SYT16: variants seen among roughly 807,000 people sequenced by gnomAD.
The protein encoded by SYT16 is synaptotagmin 16, also known as synaptotagmin-16.
In SYT16, 42 loss-of-function variants were observed where a neutral mutation model predicts 61.4. That is an observed-to-expected ratio of 0.68 (90% CI 0.53 to 0.89). SYT16 has a LOEUF of 0.89. SYT16 is among the 40% of genes least tolerant of loss of function. The pLI, the probability that SYT16 is intolerant of heterozygous loss-of-function variation, is 0.00. For missense variants in SYT16, 804 were observed against 807.3 expected (o/e 1.00, Z 0.05); for synonymous variants, 314 against 302.3 (o/e 1.04, Z -0.40).
At chr14:62,036,865 T>C (rs1234369782) in intron 3 of SYT16, among the ~76,000 whole-genome samples, 3 of 152,074 alleles carry the variant, frequency 2.0e-5, no homozygotes, top group Non-Finnish European at 4.4e-5. Flanking sequence ...GCACACCATA[T>C]ACTGAGCAAG....
At chr14:62,053,865 T>G (rs1318703111) in intron 3 of SYT16, among the ~76,000 whole-genome samples, 1 of 152,208 alleles carries the variant, frequency 6.6e-6, no homozygotes, top group Non-Finnish European at 1.5e-5. Context: ...TGTTTTTAGG[T>G]GGTTGAATGC....
chr14:61,885,799 TAAG>T (rs2047876292), intron 1 of SYT16, among the ~76,000 whole-genome samples: 1 of 152,262 alleles, frequency 6.6e-6, no homozygotes, highest in Non-Finnish European at 1.5e-5. Context: ...AGTGATGCCT[TAAG>T]AAGTACATAC....
chr14:61,999,982 G>A (rs1011449735), intron 3 of SYT16, among the ~76,000 whole-genome samples: 1 of 151,224 alleles, frequency 6.6e-6, no homozygotes, highest in East Asian at 1.9e-4. Context: ...TGAATTGTTG[G>A]ATATTTCATG....
At chr14:61,963,188 A>G (rs568758714) in intron 1 of SYT16, among the ~76,000 whole-genome samples, 5 of 152,144 alleles carry the variant, frequency 3.3e-5, no homozygotes, top group Admixed American at 1.3e-4. Flanking sequence ...ATGGCCTCTG[A>G]GTATTTAAGT....
At chr14:61,985,294 A>G (rs2052256148) in intron 2 of SYT16, among the ~76,000 whole-genome samples, 1 of 152,208 alleles carries the variant, frequency 6.6e-6, no homozygotes. Context: ...AACAGTTGTT[A>G]GCACTGATTT....
intron 3 of SYT16, among the ~76,000 whole-genome samples, chr14:62,022,256 T>A (rs2053938744): frequency 1.3e-5 from 2 of 152,168 alleles, no homozygotes; most frequent in African/African-American, 4.8e-5. Context: ...TCTTAGCATA[T>A]ATGTGTTTGA....
intron 1 of SYT16, chr14:61,864,750 T>C: frequency 1.0e-6 from 1 of 977,998 alleles, no homozygotes. Context: ...GCTACCTGGT[T>C]AATGACGCAT....
intron 1 of SYT16, among the ~76,000 whole-genome samples, chr14:61,879,580 C>T (rs1283195623): frequency 6.6e-6 from 1 of 152,154 alleles, no homozygotes; most frequent in Non-Finnish European, 1.5e-5. Context: ...TCTTCAACAT[C>T]TTCGTTTTAA....
At chr14:61,991,942 CTTTG>C (rs1435081375) in intron 2 of SYT16, among the ~76,000 whole-genome samples, 2 of 133,684 alleles carry the variant, frequency 1.5e-5, no homozygotes, top group East Asian at 2.0e-4. Context: ...TCACTAATAA[CTTTG>C]TTCGTTCATT....
At chr14:62,025,129 A>G (rs367840794) in intron 3 of SYT16, among the ~76,000 whole-genome samples, 44 of 152,082 alleles carry the variant, frequency 2.9e-4, no homozygotes, top group African/African-American at 8.9e-4. Context: ...CGTGTTTTCA[A>G]TTCTTTTGGA....
chr14:61,905,639 G>C (rs913146313), intron 1 of SYT16, among the ~76,000 whole-genome samples: 2 of 152,132 alleles, frequency 1.3e-5, no homozygotes, highest in African/African-American at 4.8e-5. Context: ...TCCACACCCC[G>C]GGTCTCTTTG....
intron 1 of SYT16, among the ~76,000 whole-genome samples, chr14:61,929,284 G>C (rs772637719): frequency 6.6e-6 from 1 of 152,286 alleles, no homozygotes; most frequent in East Asian, 1.9e-4. Flanking sequence ...TGTTGGAGTC[G>C]CTGGAGGTTT....
At chr14:61,818,383 A>G (rs1217341288) in intron 1 of SYT16, among the ~76,000 whole-genome samples, 2 of 152,188 alleles carry the variant, frequency 1.3e-5, no homozygotes, top group South Asian at 4.1e-4. Context: ...CAATTCTGCA[A>G]TAATAGATGA....
In SYT16 at chr14:62,103,383, G is replaced by A. The variant is rs953366219; in HGVS notation, c.*2676G>A. 1.3e-5 allele frequency: 2 copies of A among 152,180 alleles called. No individual in the cohort carries two copies. The highest frequency in any genetic ancestry group is 2.9e-5 in the Non-Finnish European group (2 of 68,026). The allele number at this position is 152,180 out of a possible 1,614,324, so 9.4% of individuals were successfully genotyped here. A position where few individuals can be genotyped will look rare whatever the true frequency, so the allele number is the denominator to read the frequency against. On this transcript the variant is annotated 3_prime_UTR_variant, in exon 8 of 8. Transcript: ENST00000683842. ...CATTGAAGCAGCACTGGTTTTTGTT[G>A]CTTGAGTAGGTCTTTCAGCGATTTT...
chr14:61,874,944 C>T (rs181586671), intron 1 of SYT16, among the ~76,000 whole-genome samples: 3 of 152,262 alleles, frequency 2.0e-5, no homozygotes, highest in Non-Finnish European at 4.4e-5. Flanking sequence ...AGAAAACACA[C>T]TGAATTTTTT....
intron 3 of SYT16, among the ~76,000 whole-genome samples, chr14:62,013,800 C>T (rs1477560926): frequency 2.6e-5 from 4 of 152,126 alleles, no homozygotes; most frequent in Middle Eastern, 3.4e-3. Context: ...CATGTCTCTA[C>T]AAAAAGCAAA....
At chr14:62,066,974 A>T (rs1281805048) in intron 3 of SYT16, among the ~76,000 whole-genome samples, 1 of 152,214 alleles carries the variant, frequency 6.6e-6, no homozygotes, top group Non-Finnish European at 1.5e-5. Context: ...AACCTGCTGT[A>T]AGAGGTCAGG....
At chr14:61,865,298 C>G in intron 1 of SYT16, 1 of 751,898 alleles carries the variant, frequency 1.3e-6, no homozygotes, top group Non-Finnish European at 2.4e-6. Flanking sequence ...ACACATCCCT[C>G]TGAACGCAGG....
At chr14:61,892,205 C>T (rs1226296304) in intron 1 of SYT16, among the ~76,000 whole-genome samples, 3 of 152,068 alleles carry the variant, frequency 2.0e-5, no homozygotes, top group Non-Finnish European at 4.4e-5. Context: ...TTTCCCCTGA[C>T]CCTCCGTCTC....
Sources: gnomAD v4.1 joint callset for allele counts (sites outside exome capture counted in the v4.1 genomes callset) on GRCh38, gnomAD v4.1.1 for gene constraint, MANE v1.5 for transcripts, NCBI Gene and HGNC (gene_info 2026-07-23, HGNC 2026-07-21) for gene names.